The following SLC13A3 variants were observed in gnomAD, a reference collection of about 807,000 sequenced individuals.
SLC13A3 encodes Na(+)/dicarboxylate cotransporter 3.
A neutral mutation model predicts 59.0 loss-of-function variants in SLC13A3; 40 were observed. That is an observed-to-expected ratio of 0.68 (90% CI 0.53 to 0.88). SLC13A3 has a LOEUF of 0.88. Among genes scored for constraint, SLC13A3 ranks in the 40% least tolerant of loss-of-function variants. The pLI, the probability that SLC13A3 is intolerant of heterozygous loss-of-function variation, is 0.00. For missense variants in SLC13A3, 699 were observed against 783.2 expected, an observed-to-expected ratio of 0.89 and a Z score of 1.28; for synonymous variants, 317 against 330.3, an observed-to-expected ratio of 0.96 and a Z score of 0.44.
At chr20:46,649,305 T>C (rs1339320071) in intron 1 of SLC13A3, among the ~76,000 whole-genome samples, 1 of 152,206 alleles carries the variant, frequency 6.6e-6, no homozygotes, top group Admixed American at 6.5e-5. Flanking sequence ...GAGGATCCTT[T>C]GTGAAGCTCA....
In SLC13A3 at chr20:46,558,633, CT is replaced by C. The variant is rs2061904513; in HGVS notation, c.*1388del. ...AAAGGAGGTGGAGCTCAACTTCCAA[CT>C]CAGAGGGCCTCTCCCACTGCTCTCA... On this transcript the variant is annotated 3_prime_UTR_variant, in exon 13 of 13. Coordinates refer to ENST00000279027, the MANE Select transcript of SLC13A3 (RefSeq NM_022829.6). 1 of 152,186 alleles carries C rather than the reference CT, an allele frequency of 6.6e-6. No homozygotes were observed. Among genetic ancestry groups the C allele is most frequent in the Non-Finnish European group, 1.5e-5 (1 of 68,062 alleles). The allele number at this position is 152,186 out of a possible 1,614,324, so 9.4% of individuals were successfully genotyped here. A position where few individuals can be genotyped will look rare whatever the true frequency, so the allele number is the denominator to read the frequency against.
upstream of SLC13A3, among the ~76,000 whole-genome samples, chr20:46,651,777 C>T (rs1445286910): frequency 1.3e-5 from 2 of 152,332 alleles, no homozygotes. Context: ...GATTAAGGCG[C>T]GTACTCCTAT....
At chr20:46,625,501 C>G (rs1464107914) in intron 1 of SLC13A3, among the ~76,000 whole-genome samples, 3 of 152,158 alleles carry the variant, frequency 2.0e-5, no homozygotes, top group African/African-American at 7.2e-5. Flanking sequence ...GCTCATTGAG[C>G]TATAATTTAC....
intron 10 of SLC13A3, among the ~76,000 whole-genome samples, chr20:46,573,632 T>C (rs1289852471): frequency 6.6e-6 from 1 of 152,238 alleles, no homozygotes; most frequent in Non-Finnish European, 1.5e-5. Context: ...TTATCGGCTA[T>C]ATGTATTGGG....
intron 1 of SLC13A3, chr20:46,613,992 T>C (rs2062530084): frequency 2.6e-6 from 1 of 389,908 alleles, no homozygotes; most frequent in East Asian, 3.9e-5. Context: ...GTTCACCTCA[T>C]AGGACTGTTT....
chr20:46,593,752 TTA>T (rs777501631), intron 5 of SLC13A3, among the ~76,000 whole-genome samples: 5 of 152,142 alleles, frequency 3.3e-5, no homozygotes, highest in Non-Finnish European at 7.4e-5. Context: ...TCACTAAAAA[TTA>T]TGTTTTCTAA....
intron 1 of SLC13A3, among the ~76,000 whole-genome samples, chr20:46,626,351 C>T (rs543420098): frequency 1.1e-4 from 16 of 151,828 alleles, no homozygotes; most frequent in African/African-American, 3.9e-4. Flanking sequence ...CTCTCCCTCC[C>T]TCTTTCTCCT....
At chr20:46,602,779 T>C (rs1416152261) in intron 3 of SLC13A3, among the ~76,000 whole-genome samples, 2 of 152,178 alleles carry the variant, frequency 1.3e-5, no homozygotes, top group Non-Finnish European at 2.9e-5. Context: ...TCATTGGTAA[T>C]GAAGTTGAGA....
At chr20:46,624,898 T>C (rs1234877733) in intron 1 of SLC13A3, among the ~76,000 whole-genome samples, 1 of 151,920 alleles carries the variant, frequency 6.6e-6, no homozygotes, top group Admixed American at 6.6e-5. Flanking sequence ...AGTTCCCATA[T>C]ATAGGAAACC....
At chr20:46,564,630 C>T (rs1204469217) in intron 11 of SLC13A3, among the ~76,000 whole-genome samples, 1 of 152,124 alleles carries the variant, frequency 6.6e-6, no homozygotes, top group East Asian at 1.9e-4. Context: ...GGACTCCCAC[C>T]CCATACTGCT....
At chr20:46,652,211 A>G (rs530884830), upstream of SLC13A3, among the ~76,000 whole-genome samples, 18 of 152,322 alleles carry the variant, frequency 1.2e-4, no homozygotes, top group South Asian at 2.9e-3. Context: ...CTATACAACA[A>G]ATCTGCACAT....
chr20:46,582,510 G>A (rs566305216), intron 9 of SLC13A3: 25 of 375,858 alleles, frequency 6.7e-5, no homozygotes, highest in Admixed American at 1.9e-4. Flanking sequence ...GTCTGAGGTG[G>A]GAGGTTCACT....
intron 4 of SLC13A3, 48 bp from the exon 5 acceptor site, chr20:46,596,390 G>A: frequency 1.3e-6 from 2 of 1,547,640 alleles, no homozygotes; most frequent in African/African-American, 1.4e-5. Flanking sequence ...TGGAGAACAG[G>A]CCACAGACTG....
intron 1 of SLC13A3, among the ~76,000 whole-genome samples, chr20:46,623,648 G>C (rs899062027): frequency 7.9e-5 from 12 of 152,180 alleles, no homozygotes. Flanking sequence ...TAGTGTTGCA[G>C]CTTACAAACT....
At chr20:46,618,540 C>T (rs543582926) in intron 1 of SLC13A3, among the ~76,000 whole-genome samples, 2 of 152,286 alleles carry the variant, frequency 1.3e-5, no homozygotes, top group Non-Finnish European at 2.9e-5. Flanking sequence ...GTCGTGAGGG[C>T]TCTGCCCTCA....
intron 1 of SLC13A3, among the ~76,000 whole-genome samples, chr20:46,636,579 T>A (rs145855747): frequency 1.5e-3 from 222 of 152,300 alleles, no homozygotes; most frequent in African/African-American, 5.1e-3. Context: ...CACTTTTTTG[T>A]TTTACAAAGC....
rs528102296 is a variant in SLC13A3, at chr20:46,640,459, G to T, written c.111+10852C>A. Among the ~76,000 whole-genome samples the T allele has an allele frequency of 3.3e-5, 5 of 152,254 alleles. No individual in the cohort carries two copies. In the South Asian group the frequency reaches 8.3e-4, roughly 25 times the overall value. On this transcript the variant is annotated intron_variant, in intron 1 of 12. Transcript: ENST00000279027. ...ATGGGTGCTCCTACCAGCACCACAG[G>T]CACCTTCCCATGGCTGTCCCTCTTC...
At chr20:46,563,626 G>GAGAGAA in intron 11 of SLC13A3, 75 bp from the exon 12 acceptor site, 1 of 1,490,306 alleles carries the variant, frequency 6.7e-7, no homozygotes, top group Non-Finnish European at 9.1e-7. Context: ...GAGAGAGAGA[G>GAGAGAA]AGAGAGGCAG....
At chr20:46,586,343 T>C (rs1356261691) in intron 8 of SLC13A3, among the ~76,000 whole-genome samples, 1 of 152,112 alleles carries the variant, frequency 6.6e-6, no homozygotes, top group East Asian at 1.9e-4. Context: ...AGCTCTAAGT[T>C]TTCCTTCTAC....
Sources: gnomAD v4.1 joint callset for allele counts (sites outside exome capture counted in the v4.1 genomes callset) on GRCh38, gnomAD v4.1.1 for gene constraint, MANE v1.5 for transcripts, NCBI Gene and HGNC (gene_info 2026-07-23, HGNC 2026-07-21) for gene names.